Variants in CCDC148 observed in about 807,000 individuals in gnomAD.
CCDC148 encodes coiled-coil domain-containing protein 148.
Under a neutral mutation model 85.7 loss-of-function variants are expected in CCDC148, and 89 were observed. The observed-to-expected ratio is 1.04, with a 90% confidence interval of 0.87 to 1.24. The LOEUF is 1.24. Ranked by LOEUF, CCDC148 falls within the 50% of genes most tolerant of loss-of-function variation. CCDC148 has a pLI of 0.00. For missense variants in CCDC148, 692 were observed against 671.7 expected (o/e 1.03, Z -0.33); for synonymous variants, 230 against 213.9 (o/e 1.08, Z -0.66).
At chr2:158,304,102 T>G (rs1422339519) in intron 9 of CCDC148, among the ~76,000 whole-genome samples, 1 of 152,120 alleles carries the variant, frequency 6.6e-6, no homozygotes. Context: ...GTGGTAACTT[T>G]AAGTCACAAA....
chr2:158,348,242 T>C (rs1222580804), intron 2 of CCDC148, among the ~76,000 whole-genome samples: 4 of 152,060 alleles, frequency 2.6e-5, no homozygotes, highest in African/African-American at 7.2e-5. Flanking sequence ...TAAGTGTTCT[T>C]GACAAAATTA....
chr2:158,348,003 T>C (rs953654174), intron 2 of CCDC148, among the ~76,000 whole-genome samples: 8 of 152,058 alleles, frequency 5.3e-5, no homozygotes, highest in African/African-American at 1.7e-4. Context: ...AGAAAGCATG[T>C]TCTGTCTAAT....
intron 1 of CCDC148, among the ~76,000 whole-genome samples, chr2:158,413,389 C>G (rs1017288670): frequency 6.6e-6 from 1 of 152,040 alleles, no homozygotes; most frequent in Non-Finnish European, 1.5e-5. Context: ...TTAATAAAAA[C>G]CTACTGGGAG....
rs192512581 is a variant in CCDC148 at position 158,199,112 on chromosome 2, T to A, written c.1371-20116A>T. Among the ~76,000 whole-genome samples, 335 of 152,276 alleles carry A rather than the reference T, an allele frequency of 2.2e-3. 1 individual carries two copies. The highest frequency in any genetic ancestry group is 3.1e-3 in the African/African-American group (127 of 41,566). On this transcript the variant is annotated intron_variant, in intron 11 of 13. Transcript: ENST00000283233. The stretch of plus-strand genomic sequence containing the variant: ...CAGCAAGGTATGAATTAAGAAAACA[T>A]GTCTTGGTTTATAAGAGATTTTACT...
intron 1 of CCDC148, among the ~76,000 whole-genome samples, chr2:158,447,810 A>G (rs1001879429): frequency 6.6e-6 from 1 of 152,044 alleles, no homozygotes; most frequent in South Asian, 2.1e-4. Context: ...CAGATATTTG[A>G]CCTAGGAATT....
intron 8 of CCDC148, 27 bp from the exon 9 acceptor site, chr2:158,309,666 T>G: frequency 7.5e-6 from 11 of 1,456,962 alleles, no homozygotes; most frequent in Non-Finnish European, 1.0e-5. Context: ...GGGTGAATAC[T>G]TATCATTATG....
At chr2:158,304,730 A>T (rs369523158) in intron 9 of CCDC148, among the ~76,000 whole-genome samples, 2 of 152,280 alleles carry the variant, frequency 1.3e-5, no homozygotes, top group East Asian at 1.9e-4. Flanking sequence ...ACTTTTCCTG[A>T]ACTCATCAGA....
At chr2:158,272,006 T>C (rs1030684984) in intron 9 of CCDC148, among the ~76,000 whole-genome samples, 1 of 152,204 alleles carries the variant, frequency 6.6e-6, no homozygotes, top group African/African-American at 2.4e-5. Flanking sequence ...CATTAATTCA[T>C]TCTTTGTTTT....
chr2:158,254,985 C>CAAAA (rs58809618), intron 9 of CCDC148, among the ~76,000 whole-genome samples: 1 of 131,126 alleles, frequency 7.6e-6, no homozygotes, highest in Non-Finnish European at 1.7e-5. Context: ...TTCTTTTCTC[C>CAAAA]AAAAAAAAAA....
intron 2 of CCDC148, among the ~76,000 whole-genome samples, chr2:158,347,692 T>C (rs1683062228): frequency 6.6e-6 from 1 of 152,062 alleles, no homozygotes; most frequent in Admixed American, 6.5e-5. Context: ...ATTGTGATGG[T>C]CCAAGATAAT....
At chr2:158,414,794 G>A (rs2602186) in intron 1 of CCDC148, among the ~76,000 whole-genome samples, 13,939 of 152,152 alleles carry the variant, frequency 0.092, 693 homozygotes, top group African/African-American at 0.12. Flanking sequence ...CCAGAATGAT[G>A]ATATAAATCC....
At chr2:158,370,966 G>A (rs572912958) in intron 1 of CCDC148, among the ~76,000 whole-genome samples, 1 of 151,472 alleles carries the variant, frequency 6.6e-6, no homozygotes, top group African/African-American at 2.4e-5. Context: ...GCAATTTCTG[G>A]GTAGTAGGAT....
At chr2:158,178,223 C>A (rs1684690914) in intron 12 of CCDC148, 1 of 151,994 alleles carries the variant, frequency 6.6e-6, no homozygotes, top group Non-Finnish European at 1.5e-5. Context: ...GTAGTCCTTT[C>A]CTATTAGCTG....
intron 7 of CCDC148, among the ~76,000 whole-genome samples, chr2:158,320,296 TTTA>T (rs1692463190): frequency 6.6e-6 from 1 of 152,202 alleles, no homozygotes; most frequent in Non-Finnish European, 1.5e-5. Context: ...TTCTTCTCAG[TTTA>T]TTTTTTAGAT....
intron 11 of CCDC148, among the ~76,000 whole-genome samples, chr2:158,209,860 T>A (rs538592600): frequency 6.6e-5 from 10 of 152,126 alleles, no homozygotes; most frequent in African/African-American, 2.2e-4. Context: ...TGCAAAAACA[T>A]ACCAAATTGT....
chr2:158,403,970 GC>G (rs1685894845), intron 1 of CCDC148, among the ~76,000 whole-genome samples: 1 of 152,124 alleles, frequency 6.6e-6, no homozygotes, highest in Admixed American at 6.6e-5. Flanking sequence ...TCAGTTACTA[GC>G]TGTTTGACTT....
At chr2:158,356,777 C>T (rs1325850423) in intron 2 of CCDC148, among the ~76,000 whole-genome samples, 1 of 142,232 alleles carries the variant, frequency 7.0e-6, no homozygotes, top group Non-Finnish European at 1.5e-5. Flanking sequence ...AAGACACATG[C>T]ACACGTATGT....
At chr2:158,336,388 A>G (rs1682378753) in intron 7 of CCDC148, among the ~76,000 whole-genome samples, 1 of 152,116 alleles carries the variant, frequency 6.6e-6, no homozygotes, top group Admixed American at 6.6e-5. Context: ...CTGCCAGCAT[A>G]TTTATAAAAT....
chr2:158,300,740 G>T (rs1417586115), intron 9 of CCDC148, among the ~76,000 whole-genome samples: 2 of 152,152 alleles, frequency 1.3e-5, no homozygotes, highest in African/African-American at 4.8e-5. Flanking sequence ...AAGAAAGGAG[G>T]CTAGAAAGAA....
Sources: allele counts gnomAD v4.1 joint callset (sites outside exome capture counted in the v4.1 genomes callset), GRCh38; gene constraint gnomAD v4.1.1; transcripts MANE v1.5; gene names NCBI Gene and HGNC (gene_info 2026-07-23, HGNC 2026-07-21).